Variants in ADCY9 observed in about 807,000 individuals in gnomAD.
The protein encoded by ADCY9 is adenylate cyclase 9.
A neutral mutation model predicts 101.5 loss-of-function variants in ADCY9; 50 were observed. That is an observed-to-expected ratio of 0.49 (90% confidence interval 0.39 to 0.62). The LOEUF (loss-of-function observed/expected upper bound fraction) is 0.62. Among genes scored for constraint, ADCY9 ranks in the 20% least tolerant of loss-of-function variants. The pLI is 0.00. For synonymous variants in ADCY9, 905 were observed against 769.3 expected, an observed-to-expected ratio of 1.18 and a Z score of -2.92; for missense variants, 1,662 against 1,800.4, an observed-to-expected ratio of 0.92 and a Z score of 1.39.
At chr16:3,987,888 AAG>A (rs955850373) in intron 6 of ADCY9, among the ~76,000 whole-genome samples, 2 of 152,156 alleles carry the variant, frequency 1.3e-5, no homozygotes, top group African/African-American at 4.8e-5. Flanking sequence ...TGCAGTCTGG[AAG>A]CCGCCAGGAT....
intron 2 of ADCY9, among the ~76,000 whole-genome samples, chr16:4,015,223 G>A (rs1045735026): frequency 7.9e-5 from 12 of 152,166 alleles, no homozygotes; most frequent in East Asian, 1.9e-4. Context: ...TTACAGGCGT[G>A]AGCGACCGTG....
At chr16:4,106,953 G>C (rs2057081235) in intron 2 of ADCY9, among the ~76,000 whole-genome samples, 1 of 152,160 alleles carries the variant, frequency 6.6e-6, no homozygotes, top group South Asian at 2.1e-4. Flanking sequence ...TACCTGAAAA[G>C]ACAGCCCTCC....
chr16:4,041,493 C>A (rs1245958077), intron 2 of ADCY9, among the ~76,000 whole-genome samples: 1 of 135,368 alleles, frequency 7.4e-6, no homozygotes, highest in Non-Finnish European at 1.6e-5. Context: ...AAAGCAAGGC[C>A]CCGTATTAAA....
At chr16:4,106,578 C>G (rs2057078792) in intron 2 of ADCY9, among the ~76,000 whole-genome samples, 1 of 152,194 alleles carries the variant, frequency 6.6e-6, no homozygotes, top group Non-Finnish European at 1.5e-5. Flanking sequence ...TGACAGGCCC[C>G]TAAGCTCAGC....
At chr16:4,078,192 G>A (rs1349155637) in intron 2 of ADCY9, among the ~76,000 whole-genome samples, 1 of 152,160 alleles carries the variant, frequency 6.6e-6, no homozygotes, top group Non-Finnish European at 1.5e-5. Flanking sequence ...AATGTTCACA[G>A]CAACTCTATT....
intron 2 of ADCY9, among the ~76,000 whole-genome samples, chr16:4,044,199 T>C (rs2056646605): frequency 1.3e-5 from 2 of 151,832 alleles, no homozygotes; most frequent in Admixed American, 1.3e-4. Context: ...ATACAAAAAT[T>C]AGCCAGGTGT....
intron 7 of ADCY9, among the ~76,000 whole-genome samples, chr16:3,980,231 T>C (rs1471279580): frequency 1.3e-5 from 2 of 152,206 alleles, no homozygotes; most frequent in African/African-American, 4.8e-5. Context: ...CTGACTCCTT[T>C]TGCAGGCGTG....
At chr16:3,969,589 TATATATATATATATATATATGTA>T (rs1370241772) in intron 10 of ADCY9, among the ~76,000 whole-genome samples, 21 of 87,640 alleles carry the variant, frequency 2.4e-4, no homozygotes, top group Non-Finnish European at 4.2e-4. Context: ...TATATATATA[TATATATATATATATATATATGTA>T]TTTTTTTTTT....
downstream of ADCY9, among the ~76,000 whole-genome samples, chr16:3,957,873 C>T (rs1404640590): frequency 1.3e-5 from 2 of 152,130 alleles, no homozygotes; most frequent in Non-Finnish European, 2.9e-5. Context: ...TTGCGTTATC[C>T]CAGGATCACA....
intron 2 of ADCY9, among the ~76,000 whole-genome samples, chr16:4,011,771 G>A (rs948423217): frequency 1.3e-5 from 2 of 151,294 alleles, no homozygotes; most frequent in Non-Finnish European, 2.9e-5. Context: ...ACAGGAGCAG[G>A]GCTAGTGAGC....
chr16:4,039,114 T>C lies in ADCY9; in HGVS notation c.1694-31556A>G, dbSNP rs28400309. Among the ~76,000 whole-genome samples, 328 of 152,286 alleles carry C rather than the reference T, an allele frequency of 2.2e-3. 1 individual carries two copies. The highest frequency in any genetic ancestry group is 7.6e-3 in the African/African-American group (314 of 41,550). ...CCCGCACCAGTCTGTGAATAGGTAC[T>C]ACTACAAACTCCTGCTAACAGAACA... On this transcript the variant is annotated intron_variant, in intron 2 of 10. Transcript: ENST00000294016.
chr16:4,061,172 T>TA (rs569376723), intron 2 of ADCY9, among the ~76,000 whole-genome samples: 4 of 150,110 alleles, frequency 2.7e-5, no homozygotes, highest in South Asian at 2.1e-4. Context: ...GAAGAAGAAA[T>TA]AAAAAAGCAT....
chr16:3,979,121 T>C lies in ADCY9; in HGVS notation c.2674A>G (p.Ile892Val), dbSNP rs1202549975. 6.2e-7 allele frequency: 1 copy of C among 1,614,138 alleles called. No individual in the cohort carries two copies. The highest frequency in any genetic ancestry group is 8.5e-7 in the Non-Finnish European group (1 of 1,180,026). Residue 892 changes from isoleucine (I) to valine (V), a missense_variant, in exon 8 of 11, where the codon ATA becomes GTA. Physicochemically the swap from Ile to Val is conservative, Grantham distance 29. Coordinates refer to ENST00000294016, the MANE Select transcript of ADCY9 (RefSeq NM_001116.4). ...ACGGCTGAGCCTTTACTTACGTGTA[T>C]GTTGGTCTCATATTCGGAGGTGACA... Reference protein sequence around the residue: ...SHVTSEYETNIHFPVFTGSAA... With the variant: ...SHVTSEYETNVHFPVFTGSAA...
At chr16:4,010,500 G>A (rs910961246) in intron 2 of ADCY9, among the ~76,000 whole-genome samples, 42 of 152,216 alleles carry the variant, frequency 2.8e-4, no homozygotes, top group Non-Finnish European at 2.8e-4. Context: ...TGGGATTACT[G>A]AGTCACTCTT....
intron 2 of ADCY9, among the ~76,000 whole-genome samples, chr16:4,069,838 G>A (rs1036442337): frequency 2.0e-5 from 3 of 152,160 alleles, no homozygotes; most frequent in Non-Finnish European, 2.9e-5. Flanking sequence ...GCTCACACTT[G>A]TAATCCCAGC....
chr16:4,024,424 G>A (rs2056499871), intron 2 of ADCY9, among the ~76,000 whole-genome samples: 3 of 152,154 alleles, frequency 2.0e-5, no homozygotes, highest in South Asian at 2.1e-4. Context: ...TTCTCCTAAC[G>A]TGAATGTCTT....
intron 2 of ADCY9, among the ~76,000 whole-genome samples, chr16:4,036,292 C>A (rs1371381719): frequency 6.6e-6 from 1 of 151,932 alleles, no homozygotes; most frequent in African/African-American, 2.4e-5. Flanking sequence ...GAGTTTTGAG[C>A]AGAATGCTTT....
chr16:4,050,026 GT>G (rs1207052437), intron 2 of ADCY9, among the ~76,000 whole-genome samples: 2 of 145,440 alleles, frequency 1.4e-5, no homozygotes, highest in Non-Finnish European at 3.0e-5. Context: ...GTGAGACTGT[GT>G]CTCAAAAAAA....
At chr16:4,037,609 G>A (rs757335952) in intron 2 of ADCY9, among the ~76,000 whole-genome samples, 6 of 152,096 alleles carry the variant, frequency 3.9e-5, no homozygotes, top group Non-Finnish European at 5.9e-5. Context: ...ATTGTGCCCA[G>A]TAAGACCCCA....
Sources: gnomAD v4.1 joint callset for allele counts (sites outside exome capture counted in the v4.1 genomes callset) on GRCh38, gnomAD v4.1.1 for gene constraint, MANE v1.5 for transcripts, NCBI Gene and HGNC (gene_info 2026-07-23, HGNC 2026-07-21) for gene names.